The following DNAH12 variants were observed in gnomAD, a reference collection of about 807,000 sequenced individuals.
DNAH12 encodes dynein axonemal heavy chain 12.
In DNAH12, 285 loss-of-function variants were observed where a neutral mutation model predicts 371.5. That is an observed-to-expected ratio of 0.77 (90% CI 0.70 to 0.85). The LOEUF is 0.85. DNAH12 is among the 40% of genes least tolerant of loss of function. The pLI, the probability that DNAH12 is intolerant of heterozygous loss-of-function variation, is 0.00. For synonymous variants in DNAH12, 1,200 were observed against 1,213.0 expected, an observed-to-expected ratio of 0.99 and a Z score of 0.22; for missense variants, 3,611 against 3,689.4, an observed-to-expected ratio of 0.98 and a Z score of 0.55.
At chr3:57,546,849 C>A (rs929401094), upstream of DNAH12, among the ~76,000 whole-genome samples, 40 of 152,154 alleles carry the variant, frequency 2.6e-4, no homozygotes, top group African/African-American at 9.2e-4. Context: ...CAGTAGAAAT[C>A]CTTTTAAAAA....
intron 2 of DNAH12, among the ~76,000 whole-genome samples, chr3:57,528,535 G>T (rs1292168300): frequency 4.7e-5 from 7 of 148,128 alleles, no homozygotes; most frequent in Admixed American, 4.7e-4. Flanking sequence ...AGACCAGCCT[G>T]ACCAACATGG....
At chr3:57,302,136 T>C (rs1045172621) in intron 69 of DNAH12, among the ~76,000 whole-genome samples, 197 bp from the exon 70 acceptor site, 2 of 152,178 alleles carry the variant, frequency 1.3e-5, no homozygotes, top group Non-Finnish European at 2.9e-5. Context: ...ATTACATACA[T>C]ATTTTAAAAT....
At chr3:57,352,257 A>C in intron 59 of DNAH12, 32 bp from the exon 60 acceptor site, 2 of 1,513,290 alleles carry the variant, frequency 1.3e-6, no homozygotes, top group Middle Eastern at 2.0e-4. Context: ...ACGTATTGTC[A>C]AACAAAACTA....
chr3:57,340,717 CA>C, intron 60 of DNAH12, among the ~76,000 whole-genome samples: 1 of 152,188 alleles, frequency 6.6e-6, no homozygotes, highest in South Asian at 2.1e-4. Context: ...TGAATTCTAC[CA>C]AACTTTTAAA....
chr3:57,406,384 T>C (rs1553681280), intron 40 of DNAH12, among the ~76,000 whole-genome samples: 2 of 146,098 alleles, frequency 1.4e-5, no homozygotes, highest in Admixed American at 1.4e-4. Flanking sequence ...AAAAAAAAGA[T>C]TATACTGGCT....
chr3:57,322,945 A>G, intron 64 of DNAH12, 62 bp downstream of exon 64: 1 of 1,512,476 alleles, frequency 6.6e-7, no homozygotes. Context: ...AAACAAACAA[A>G]ACAAATAAGA....
At chr3:57,379,948 A>G (rs1575523452) in intron 51 of DNAH12, among the ~76,000 whole-genome samples, 1 of 151,712 alleles carries the variant, frequency 6.6e-6, no homozygotes, top group African/African-American at 2.4e-5. Flanking sequence ...ATAGAAAATA[A>G]TATGCTATAC....
At chr3:57,362,191 C>T (rs890672398) in intron 58 of DNAH12, among the ~76,000 whole-genome samples, 6 of 152,230 alleles carry the variant, frequency 3.9e-5, no homozygotes, top group East Asian at 1.9e-4. Flanking sequence ...GCGAAGAACA[C>T]GAACTCATTC....
chr3:57,348,366 C>T (rs1158403199), intron 60 of DNAH12, among the ~76,000 whole-genome samples: 3 of 152,100 alleles, frequency 2.0e-5, no homozygotes, highest in African/African-American at 7.2e-5. Flanking sequence ...GGAGGGAGGG[C>T]TGAATAAATA....
At chr3:57,375,052 G>A (rs1057405951) in intron 55 of DNAH12, among the ~76,000 whole-genome samples, 2 of 152,060 alleles carry the variant, frequency 1.3e-5, no homozygotes, top group Admixed American at 6.6e-5. Flanking sequence ...TGTATTTCAT[G>A]TATGTAAATT....
intron 34 of DNAH12, among the ~76,000 whole-genome samples, chr3:57,427,640 A>C (rs562830268): frequency 1.3e-5 from 2 of 152,200 alleles, no homozygotes; most frequent in Admixed American, 1.3e-4. Context: ...CGGTGAACCA[A>C]GATCGCTCCA....
chr3:57,472,644 A>C lies in DNAH12; in HGVS notation c.1678T>G (p.Leu560Val). 3 of 1,550,988 alleles carry C rather than the reference A, an allele frequency of 1.9e-6. No homozygotes were observed. The highest frequency in any genetic ancestry group is 1.7e-6 in the Non-Finnish European group (2 of 1,146,714). Residue 560 changes from leucine (L) to valine (V), a missense_variant, in exon 14 of 74, where the codon TTA becomes GTA. Transcript: ENST00000495027. ...QESKRQMSYF[L>V]DVFLFPQEDL... is the part of the protein sequence containing the mutation. ...TCTTGAGGAAATAGGAAAACATCTA[A>C]AAAGTAACTCATTTGGCGTTTAGAT...
At chr3:57,489,426 C>G (rs116272714) in intron 12 of DNAH12, 83 bp downstream of exon 12, 2 of 1,345,542 alleles carry the variant, frequency 1.5e-6, no homozygotes, top group Non-Finnish European at 1.9e-6. Context: ...ATATTTTAAG[C>G]TTTTGTTTTT....
intron 59 of DNAH12, among the ~76,000 whole-genome samples, chr3:57,353,360 A>G (rs936799015): frequency 6.6e-6 from 1 of 151,438 alleles, no homozygotes; most frequent in African/African-American, 2.4e-5. Context: ...TGGCATGATC[A>G]CAGCTCATTA....
At chr3:57,332,180 G>T (rs1046960556) in intron 62 of DNAH12, among the ~76,000 whole-genome samples, 1 of 152,182 alleles carries the variant, frequency 6.6e-6, no homozygotes, top group Admixed American at 6.5e-5. Flanking sequence ...CTAGATGTAT[G>T]AACATGGTTT....
intron 58 of DNAH12, among the ~76,000 whole-genome samples, chr3:57,361,025 T>C (rs1171771698): frequency 2.6e-5 from 4 of 152,046 alleles, no homozygotes; most frequent in African/African-American, 9.7e-5. Context: ...TATAACATTG[T>C]ATTATTCTAT....
chr3:57,526,863 T>TTAC (rs1414018656), intron 2 of DNAH12, among the ~76,000 whole-genome samples: 1 of 84,286 alleles, frequency 1.2e-5, no homozygotes, highest in Non-Finnish European at 2.6e-5. Flanking sequence ...AGACAGAGTC[T>TTAC]TACTCTGTCA....
At chr3:57,456,774 G>C (rs1346505368) in intron 22 of DNAH12, among the ~76,000 whole-genome samples, 1 of 151,930 alleles carries the variant, frequency 6.6e-6, no homozygotes, top group East Asian at 1.9e-4. Context: ...ATTCCCCTAA[G>C]CCTCCACAAA....
intron 58 of DNAH12, among the ~76,000 whole-genome samples, chr3:57,360,571 C>T (rs1282338306): frequency 2.1e-5 from 3 of 144,990 alleles, no homozygotes; most frequent in African/African-American, 7.3e-5. Flanking sequence ...GCCTGTAATC[C>T]CAGCTACTCA....
Sources: allele counts gnomAD v4.1 joint callset (sites outside exome capture counted in the v4.1 genomes callset), GRCh38; gene constraint gnomAD v4.1.1; transcripts MANE v1.5; gene names NCBI Gene and HGNC (gene_info 2026-07-23, HGNC 2026-07-21).